Variants in EZH2 observed in about 807,000 individuals in gnomAD.
EZH2 encodes enhancer of zeste 2 polycomb repressive complex 2 subunit, also known as histone-lysine N-methyltransferase EZH2.
In EZH2, 18 loss-of-function variants were observed where a neutral mutation model predicts 98.4. That is an observed-to-expected ratio of 0.18 (90% confidence interval 0.13 to 0.27). EZH2 has a LOEUF of 0.27. EZH2 is among the 10% of genes least tolerant of loss of function. The pLI is 1.00. For missense variants in EZH2, 470 were observed against 935.1 expected, an observed-to-expected ratio of 0.50 and a Z score of 6.49; for synonymous variants, 338 against 312.3, an observed-to-expected ratio of 1.08 and a Z score of -0.87.
intron 3 of EZH2, among the ~76,000 whole-genome samples, chr7:148,838,086 G>A (rs1292301010): frequency 5.8e-5 from 1 of 17,372 alleles, no homozygotes; most frequent in East Asian, 1.5e-3. Flanking sequence ...TTTTTTTTTT[G>A]AGACAGGGTC....
chr7:148,829,775 A>G lies in EZH2; in HGVS notation c.437T>C (p.Ile146Thr). 1 of 1,610,222 alleles carries G rather than the reference A, an allele frequency of 6.2e-7. No homozygotes were observed. The highest frequency in any genetic ancestry group is 8.5e-7 in the Non-Finnish European group (1 of 1,178,294). ...DEVLDQDGTF[I>T]EELIKNYDGK... ...ATCATAATTTTTTATTAGTTCTTCA[A>G]TGAAAGTACCATCCTGATCTAAAAC... is the stretch of plus-strand genomic sequence containing the variant. The change falls in exon 5 of 20, where the codon ATT becomes ACT. Residue 146 changes from isoleucine to threonine, a missense_variant. Transcript: ENST00000320356.
At chr7:148,818,285 A>G (rs1476863634) in intron 9 of EZH2, among the ~76,000 whole-genome samples, 168 bp from the exon 10 acceptor site, 1 of 152,230 alleles carries the variant, frequency 6.6e-6, no homozygotes, top group Admixed American at 6.5e-5. Context: ...TATGCTTTTG[A>G]TAGTCTGAAA....
At chr7:148,870,319 T>C (rs1021595193) in intron 1 of EZH2, among the ~76,000 whole-genome samples, 3 of 152,200 alleles carry the variant, frequency 2.0e-5, no homozygotes, top group Non-Finnish European at 4.4e-5. Flanking sequence ...CTTGCATTAT[T>C]AATTAATTTT....
At chr7:148,814,636 A>C (rs901067095) in intron 14 of EZH2, among the ~76,000 whole-genome samples, 1 of 152,190 alleles carries the variant, frequency 6.6e-6, no homozygotes, top group Non-Finnish European at 1.5e-5. Flanking sequence ...GCCAACTTTA[A>C]TACAACTTAA....
chr7:148,865,860 A>G (rs1818363389), intron 1 of EZH2, among the ~76,000 whole-genome samples: 1 of 152,230 alleles, frequency 6.6e-6, no homozygotes, highest in Non-Finnish European at 1.5e-5. Flanking sequence ...CAGGCAATCT[A>G]AACCAAGTAA....
intron 9 of EZH2, chr7:148,819,206 G>C: frequency 2.5e-6 from 1 of 393,892 alleles, no homozygotes; most frequent in East Asian, 6.9e-5. Context: ...AAATGACAGT[G>C]CATCTAAAAC....
intron 1 of EZH2, among the ~76,000 whole-genome samples, chr7:148,854,456 C>G (rs1387603720): frequency 1.3e-5 from 2 of 149,912 alleles, no homozygotes; most frequent in Admixed American, 1.3e-4. Flanking sequence ...AAAAAAAATT[C>G]TACCTCAAGG....
At chr7:148,860,103 T>C (rs1817447352) in intron 1 of EZH2, among the ~76,000 whole-genome samples, 1 of 152,206 alleles carries the variant, frequency 6.6e-6, no homozygotes, top group African/African-American at 2.4e-5. Context: ...CATCCTTAAA[T>C]ATGTACAGCT....
intron 3 of EZH2, among the ~76,000 whole-genome samples, chr7:148,844,054 T>C (rs571231072): frequency 9.2e-5 from 14 of 152,090 alleles, no homozygotes; most frequent in Middle Eastern, 6.8e-3. Context: ...ACTTCAAATG[T>C]TGAATGCTAT....
chr7:148,847,931 A>G (rs1814592442), intron 1 of EZH2, among the ~76,000 whole-genome samples: 1 of 152,210 alleles, frequency 6.6e-6, no homozygotes, highest in Admixed American at 6.5e-5. Flanking sequence ...AGAGGAATGC[A>G]GGAAATGCAA....
chr7:148,859,505 A>AACAAC (rs138967139), intron 1 of EZH2, among the ~76,000 whole-genome samples: 6 of 150,288 alleles, frequency 4.0e-5, no homozygotes, highest in South Asian at 2.1e-4. Context: ...TCTGTCTCAA[A>AACAAC]AACAACAACA....
chr7:148,811,507 G>A (rs1156284586), intron 16 of EZH2, 118 bp downstream of exon 16: 26 of 753,594 alleles, frequency 3.5e-5, no homozygotes, highest in Non-Finnish European at 4.5e-5. Context: ...GGCTGAAAAG[G>A]CAGTTTATGG....
rs60020948 is a variant in EZH2, at chr7:148,839,053, TAAGGAAGGAAGGAAGG to T, written c.247-6319_247-6304del. On this transcript the variant is annotated intron_variant, in intron 3 of 19. Transcript: ENST00000320356. ...GGTAATAGAGCAAAACTCTGTCAAA[TAAGGAAGGAAGGAAGG>T]AAGGAAGGAAGGAAGGAAGGAAGGA... Among the ~76,000 whole-genome samples the T allele has an allele frequency of 2.3e-3, 246 of 107,812 alleles. 2 individuals carry two copies. The highest frequency in any genetic ancestry group is 3.6e-3 in the African/African-American group (96 of 26,820). 70.7% of individuals were successfully genotyped at this position (107,812 alleles called of 152,430 possible).
intron 1 of EZH2, among the ~76,000 whole-genome samples, chr7:148,857,568 T>C (rs1817013768): frequency 6.6e-6 from 1 of 151,836 alleles, no homozygotes; most frequent in Non-Finnish European, 1.5e-5. Flanking sequence ...CTGGCCAATA[T>C]GGTGAAACCC....
chr7:148,875,643 A>C (rs566249647), intron 1 of EZH2, among the ~76,000 whole-genome samples: 26 of 152,384 alleles, frequency 1.7e-4, no homozygotes, highest in Non-Finnish European at 3.5e-4. Context: ...CTGCACAGTT[A>C]CAACTGTAAC....
At chr7:148,831,736 C>T (rs1309271337) in intron 4 of EZH2, among the ~76,000 whole-genome samples, 2 of 152,130 alleles carry the variant, frequency 1.3e-5, no homozygotes, top group African/African-American at 2.4e-5. Flanking sequence ...TTACTAAAAA[C>T]TTCCCCAAAG....
At chr7:148,855,434 A>G (rs1184827736) in intron 1 of EZH2, among the ~76,000 whole-genome samples, 2 of 152,234 alleles carry the variant, frequency 1.3e-5, no homozygotes, top group African/African-American at 4.8e-5. Flanking sequence ...TCTCCCACTT[A>G]GCAGCTGGGT....
At chr7:148,864,683 CAAAAAAAAAAA>C (rs200348491) in intron 1 of EZH2, among the ~76,000 whole-genome samples, 1 of 81,482 alleles carries the variant, frequency 1.2e-5, no homozygotes, top group Non-Finnish European at 2.6e-5. Context: ...GAGACTGTCT[CAAAAAAAAAAA>C]AAAAAGGAAA....
intron 1 of EZH2, among the ~76,000 whole-genome samples, chr7:148,882,611 C>G (rs1380575495): frequency 6.6e-6 from 1 of 152,116 alleles, no homozygotes; most frequent in East Asian, 1.9e-4. Flanking sequence ...GTTGCTAATG[C>G]TTATGAAGAG....
Sources: gnomAD v4.1 joint callset for allele counts (sites outside exome capture counted in the v4.1 genomes callset) on GRCh38, gnomAD v4.1.1 for gene constraint, MANE v1.5 for transcripts, NCBI Gene and HGNC (gene_info 2026-07-23, HGNC 2026-07-21) for gene names.